NCALD: variants seen among roughly 807,000 people sequenced by gnomAD.
NCALD encodes the protein neurocalcin-delta.
Under a neutral mutation model 18.6 loss-of-function variants are expected in NCALD, and 10 were observed. That is an observed-to-expected ratio of 0.54 (90% CI 0.33 to 0.91). NCALD has a LOEUF of 0.91. NCALD is among the 40% of genes least tolerant of loss of function. The pLI, the probability that NCALD is intolerant of heterozygous loss-of-function variation, is 0.03. For synonymous variants in NCALD, 88 were observed against 87.4 expected (o/e 1.01, Z -0.04); for missense variants, 184 against 247.6 (o/e 0.74, Z 1.72).
At chr8:102,083,111 T>A (rs562887073) in intron 1 of NCALD, among the ~76,000 whole-genome samples, 14 of 152,338 alleles carry the variant, frequency 9.2e-5, no homozygotes, top group African/African-American at 3.4e-4. Context: ...GCAACACTCA[T>A]AAAAGCAAAA....
chr8:101,960,137 A>G (rs933593732), intron 2 of NCALD, among the ~76,000 whole-genome samples: 3 of 152,148 alleles, frequency 2.0e-5, no homozygotes, highest in Admixed American at 2.0e-4. Context: ...AAAGGACACT[A>G]AAGAGCTCCC....
At chr8:101,991,784 C>T (rs930245924) in intron 2 of NCALD, among the ~76,000 whole-genome samples, 2 of 152,196 alleles carry the variant, frequency 1.3e-5, no homozygotes, top group Admixed American at 6.5e-5. Flanking sequence ...TTTCCTAGAT[C>T]GTCTGTGGCC....
At chr8:101,722,238 T>C (rs1007727409) in intron 1 of NCALD, among the ~76,000 whole-genome samples, 17 of 152,246 alleles carry the variant, frequency 1.1e-4, no homozygotes, top group Non-Finnish European at 1.5e-5. Flanking sequence ...AACAGTCTAA[T>C]ATCTTTCACT....
chr8:101,783,271 C>T (rs1192111108), intron 1 of NCALD, among the ~76,000 whole-genome samples: 2 of 152,100 alleles, frequency 1.3e-5, no homozygotes, highest in Admixed American at 1.3e-4. Flanking sequence ...AGAGTTGGGG[C>T]ATTGATTTCT....
At chr8:101,748,198 G>C (rs1485092621) in intron 1 of NCALD, among the ~76,000 whole-genome samples, 2 of 152,004 alleles carry the variant, frequency 1.3e-5, no homozygotes, top group Non-Finnish European at 2.9e-5. Context: ...GTCTTTTTTT[G>C]TGTCCCCATG....
chr8:102,080,803 A>C (rs1824503240), intron 1 of NCALD, among the ~76,000 whole-genome samples: 2 of 152,218 alleles, frequency 1.3e-5, no homozygotes, highest in Admixed American at 1.3e-4. Context: ...ATTATACAAG[A>C]CCAGTGGGCT....
chr8:101,884,808 T>A (rs1197337749), intron 4 of NCALD, among the ~76,000 whole-genome samples: 1 of 152,182 alleles, frequency 6.6e-6, no homozygotes, highest in African/African-American at 2.4e-5. Flanking sequence ...GATCAGTATT[T>A]GTCTCTGTGG....
At chr8:101,705,415 G>T (rs1193058540) in intron 2 of NCALD, among the ~76,000 whole-genome samples, 1 of 152,170 alleles carries the variant, frequency 6.6e-6, no homozygotes, top group Non-Finnish European at 1.5e-5. Context: ...GAGGCAGGAA[G>T]AGCTGTTAGA....
chr8:101,754,147 C>A (rs546200618), intron 1 of NCALD, among the ~76,000 whole-genome samples: 4 of 152,088 alleles, frequency 2.6e-5, no homozygotes, highest in African/African-American at 9.7e-5. Flanking sequence ...CAAGGTAGAG[C>A]CCTCTCCCTA....
In NCALD at chr8:101,957,615, G is replaced by C. The variant is rs1027544142; in HGVS notation, c.-156-41757C>G. On this transcript the variant is annotated intron_variant, in intron 2 of 6. Coordinates refer to the NCALD transcript ENST00000311028. ...TTGGAGTCTCCTAAAATGTGAAAGG[G>C]ACACAAAGTGAACAGAGCACTTGAG... Among the ~76,000 whole-genome samples, 4 of 152,066 alleles carry C rather than the reference G, an allele frequency of 2.6e-5. No homozygotes were observed. The South Asian group carries it at 8.3e-4, about 32-fold the overall frequency.
intron 1 of NCALD, among the ~76,000 whole-genome samples, chr8:101,766,532 T>C (rs943268187): frequency 1.3e-5 from 2 of 152,144 alleles, no homozygotes; most frequent in African/African-American, 4.8e-5. Context: ...TATACATAAG[T>C]GTTTTAAAAG....
At chr8:101,923,425 A>G (rs1236611773) in intron 2 of NCALD, among the ~76,000 whole-genome samples, 1 of 152,222 alleles carries the variant, frequency 6.6e-6, no homozygotes, top group African/African-American at 2.4e-5. Context: ...TTATTAGCAG[A>G]TAAGTGACCT....
At chr8:101,692,701 A>C in intron 3 of NCALD, 90 bp downstream of exon 3, 2 of 1,443,328 alleles carry the variant, frequency 1.4e-6, no homozygotes, top group South Asian at 2.4e-5. Flanking sequence ...GCTCACATTG[A>C]AGGGCCTCGA....
At chr8:101,917,173 T>C (rs570803696) in intron 2 of NCALD, among the ~76,000 whole-genome samples, 4 of 152,124 alleles carry the variant, frequency 2.6e-5, no homozygotes, top group South Asian at 2.1e-4. Context: ...GCAATAAAAA[T>C]AGAAATAAAC....
rs545603194 is a variant in NCALD, at chr8:101,840,153, T to C, written c.-20+46988A>G. 4.0e-5 allele frequency among the ~76,000 whole-genome samples: 6 copies of C among 151,588 alleles called. No homozygotes were observed. In the South Asian group the frequency reaches 1.0e-3, roughly 26 times the overall value. ...AACACAGCTGAAGAGCATGTTCAAATTGAACAAATATTCCTGTGAGGATCC... is the reference window on the plus strand; with the variant it reads ...AACACAGCTGAAGAGCATGTTCAAACTGAACAAATATTCCTGTGAGGATCC... On this transcript the variant is annotated intron_variant, in intron 4 of 6. Coordinates refer to the NCALD transcript ENST00000311028.
At chr8:101,849,678 A>G (rs1405221165) in intron 4 of NCALD, among the ~76,000 whole-genome samples, 2 of 152,156 alleles carry the variant, frequency 1.3e-5, no homozygotes, top group African/African-American at 4.8e-5. Context: ...CTGCATTCTA[A>G]TCTTTCTAAA....
chr8:102,011,347 G>C (rs1323249795), intron 2 of NCALD, among the ~76,000 whole-genome samples: 2 of 152,046 alleles, frequency 1.3e-5, no homozygotes, highest in Non-Finnish European at 1.5e-5. Context: ...TTTACTCTCT[G>C]TTCCAACACT....
At chr8:101,811,615 G>A (rs948991711) in intron 4 of NCALD, among the ~76,000 whole-genome samples, 1 of 152,216 alleles carries the variant, frequency 6.6e-6, no homozygotes. Flanking sequence ...AAGAAGCAAA[G>A]ATAAGCACTT....
chr8:101,885,774 G>T (rs1422286502), intron 4 of NCALD, among the ~76,000 whole-genome samples: 1 of 152,156 alleles, frequency 6.6e-6, no homozygotes, highest in East Asian at 1.9e-4. Context: ...GCATCATAGT[G>T]ATTATCCACA....
Sources: allele counts gnomAD v4.1 joint callset (sites outside exome capture counted in the v4.1 genomes callset), GRCh38; gene constraint gnomAD v4.1.1; transcripts MANE v1.5; gene names NCBI Gene and HGNC (gene_info 2026-07-23, HGNC 2026-07-21).